SLC25A21: variants seen among roughly 807,000 people sequenced by gnomAD.
SLC25A21 encodes mitochondrial 2-oxodicarboxylate carrier.
In SLC25A21, 47 loss-of-function variants were observed where a neutral mutation model predicts 43.8. The ratio of observed to expected loss-of-function variants is 1.07; its 90% confidence interval spans 0.85 to 1.37. SLC25A21 has a LOEUF of 1.37. SLC25A21 is among the 40% of genes most tolerant of loss of function. The pLI is 0.00. For synonymous variants in SLC25A21, 131 were observed against 121.3 expected (o/e 1.08, Z -0.52); for missense variants, 352 against 350.2 (o/e 1.00, Z -0.04).
At chr14:37,066,355 C>T (rs1962060002) in intron 1 of SLC25A21, among the ~76,000 whole-genome samples, 1 of 151,998 alleles carries the variant, frequency 6.6e-6, no homozygotes, top group Non-Finnish European at 1.5e-5. Flanking sequence ...TTTAAAAAGG[C>T]TTCAAAGACA....
chr14:36,691,825 C>T (rs1254816583), intron 7 of SLC25A21, among the ~76,000 whole-genome samples: 1 of 152,134 alleles, frequency 6.6e-6, no homozygotes, highest in Non-Finnish European at 1.5e-5. Flanking sequence ...ATCTTTTCCT[C>T]TAAATATTTT....
intron 1 of SLC25A21, among the ~76,000 whole-genome samples, chr14:37,047,932 A>G (rs1716939655): frequency 6.6e-6 from 1 of 152,226 alleles, no homozygotes; most frequent in Non-Finnish European, 1.5e-5. Context: ...TACCACTCAT[A>G]AAAGGAATCT....
chr14:36,782,622 C>T (rs1304916887), intron 3 of SLC25A21, among the ~76,000 whole-genome samples: 1 of 152,166 alleles, frequency 6.6e-6, no homozygotes, highest in East Asian at 1.9e-4. Flanking sequence ...TTTCTCAGAC[C>T]TTCTCTATGG....
intron 3 of SLC25A21, among the ~76,000 whole-genome samples, chr14:36,768,232 A>G (rs1349848660): frequency 2.0e-5 from 3 of 152,178 alleles, no homozygotes; most frequent in Non-Finnish European, 4.4e-5. Flanking sequence ...AGAGGGTGGA[A>G]GAAGGGAGCC....
Position 36,880,312 on chromosome 14 carries a change from C to G in SLC25A21, c.71-5308G>C, listed in dbSNP as rs187880061. Among the ~76,000 whole-genome samples, 292 of 152,300 alleles carry G rather than the reference C, an allele frequency of 1.9e-3. 3 individuals carry two copies. The highest frequency in any genetic ancestry group is 0.014 in the South Asian group (66 of 4,826). ...GGCCACACACAGCACAGCAACAAGA[C>G]AGACATAGTGGAGTTCTGGGTTATC... On this transcript the variant is annotated intron_variant, in intron 1 of 9. Coordinates refer to ENST00000331299, the MANE Select transcript of SLC25A21 (RefSeq NM_030631.4).
At chr14:37,019,025 T>A (rs1181851481) in intron 1 of SLC25A21, among the ~76,000 whole-genome samples, 2 of 151,960 alleles carry the variant, frequency 1.3e-5, no homozygotes, top group Admixed American at 1.3e-4. Context: ...TCCTTGTGGT[T>A]TCCCTGATAT....
chr14:36,728,415 C>A (rs2139217729), intron 5 of SLC25A21, among the ~76,000 whole-genome samples: 1 of 152,258 alleles, frequency 6.6e-6, no homozygotes, highest in Non-Finnish European at 1.5e-5. Flanking sequence ...TTTTAATCCT[C>A]TTTTTTGCCA....
At chr14:37,020,737 G>A (rs1352376251) in intron 1 of SLC25A21, among the ~76,000 whole-genome samples, 5 of 151,812 alleles carry the variant, frequency 3.3e-5, no homozygotes. Context: ...ATATCAGATG[G>A]TGGTTTTGAA....
intron 1 of SLC25A21, among the ~76,000 whole-genome samples, chr14:36,957,934 G>C (rs1959384294): frequency 6.6e-6 from 1 of 152,118 alleles, no homozygotes; most frequent in African/African-American, 2.4e-5. Context: ...GTAACTCTAG[G>C]CAAAAGCCTA....
At chr14:36,816,702 C>T (rs1888468684) in intron 2 of SLC25A21, among the ~76,000 whole-genome samples, 1 of 151,996 alleles carries the variant, frequency 6.6e-6, no homozygotes, top group Admixed American at 6.6e-5. Context: ...TGGCGTCTCC[C>T]CTTCTTGCCC....
intron 1 of SLC25A21, among the ~76,000 whole-genome samples, chr14:36,922,231 C>T (rs564388767): frequency 5.3e-5 from 8 of 152,072 alleles, no homozygotes; most frequent in African/African-American, 1.9e-4. Flanking sequence ...GCCCTCCTTC[C>T]ACCATAAACA....
At chr14:36,931,125 G>A (rs1892276062) in intron 1 of SLC25A21, among the ~76,000 whole-genome samples, 1 of 152,082 alleles carries the variant, frequency 6.6e-6, no homozygotes, top group Non-Finnish European at 1.5e-5. Flanking sequence ...TTAAAGTAAG[G>A]GAGGCTGGGA....
At chr14:37,141,153 A>C (rs901546356) in intron 1 of SLC25A21, among the ~76,000 whole-genome samples, 3 of 140,658 alleles carry the variant, frequency 2.1e-5, no homozygotes, top group African/African-American at 8.7e-5. Context: ...TCAAAAAAAG[A>C]AAAAAAAATC....
chr14:36,884,277 T>C (rs988478845), intron 1 of SLC25A21, among the ~76,000 whole-genome samples: 2 of 152,190 alleles, frequency 1.3e-5, no homozygotes, highest in African/African-American at 4.8e-5. Context: ...TAGCATGACG[T>C]CCTCTGGGTT....
chr14:36,743,560 C>T lies in SLC25A21; in HGVS notation c.204-8987G>A, dbSNP rs182748685. Among the ~76,000 whole-genome samples the T allele has an allele frequency of 3.9e-3, 596 of 152,162 alleles. 3 individuals carry two copies. The highest frequency in any genetic ancestry group is 5.7e-3 in the Non-Finnish European group (386 of 67,968). ...TAATAAAAGCCATCCATATATGACACACCCACAGCCAACAGCATACTGGAT... is the reference window on the plus strand; with the variant it reads ...TAATAAAAGCCATCCATATATGACATACCCACAGCCAACAGCATACTGGAT... On this transcript the variant is annotated intron_variant, in intron 3 of 9. Coordinates refer to ENST00000331299, the MANE Select transcript of SLC25A21 (RefSeq NM_030631.4).
At chr14:37,074,316 C>A (rs1962234737) in intron 1 of SLC25A21, among the ~76,000 whole-genome samples, 1 of 151,896 alleles carries the variant, frequency 6.6e-6, no homozygotes, top group African/African-American at 2.4e-5. Flanking sequence ...ACAACTTATA[C>A]CACTATTGAC....
At chr14:36,828,107 AGGTCTTCTGGGACCAT>A (rs1888902802) in intron 2 of SLC25A21, among the ~76,000 whole-genome samples, 1 of 6,512 alleles carries the variant, frequency 1.5e-4, no homozygotes, top group African/African-American at 1.9e-4. Flanking sequence ...TGGCAATGTG[AGGTCTTCTGGGACCAT>A]GTGAGGTCTT....
In SLC25A21 at chr14:36,679,970, T is replaced by C; in HGVS notation, c.*688A>G. On this transcript the variant is annotated 3_prime_UTR_variant, in exon 10 of 10. Transcript: ENST00000331299. ...TGCTTAAACAACAGTGTTTTAACAT[T>C]CTGTTTTAAACAATGTTTTAAAATA... is the stretch of plus-strand genomic sequence containing the variant. The C allele has an allele frequency of 1.1e-6, 1 of 876,326 alleles. No homozygotes were observed. The highest frequency in any genetic ancestry group is 1.4e-6 in the Non-Finnish European group (1 of 732,502). 54.3% of individuals were successfully genotyped at this position (876,326 alleles called of 1,614,324 possible).
intron 1 of SLC25A21, among the ~76,000 whole-genome samples, chr14:37,048,150 A>G (rs1217360905): frequency 2.0e-5 from 3 of 152,132 alleles, no homozygotes; most frequent in Non-Finnish European, 4.4e-5. Context: ...TTGAAAAATG[A>G]CCACTATGTC....
Sources: gnomAD v4.1 joint callset for allele counts (sites outside exome capture counted in the v4.1 genomes callset) on GRCh38, gnomAD v4.1.1 for gene constraint, MANE v1.5 for transcripts, NCBI Gene and HGNC (gene_info 2026-07-23, HGNC 2026-07-21) for gene names.